Variants in VPS37A observed in about 807,000 individuals in gnomAD.
The protein encoded by VPS37A is vacuolar protein sorting-associated protein 37A.
A neutral mutation model predicts 49.8 loss-of-function variants in VPS37A; 30 were observed. The ratio of observed to expected loss-of-function variants is 0.60; its 90% CI spans 0.45 to 0.82. The LOEUF (loss-of-function observed/expected upper bound fraction) is 0.82, where lower values mean the gene tolerates loss of function less well. Ranked by LOEUF, VPS37A falls within the 40% of genes least tolerant of loss-of-function variation. The pLI, the probability that VPS37A is intolerant of heterozygous loss-of-function variation, is 0.00. For synonymous variants in VPS37A, 195 were observed against 160.6 expected (o/e 1.21, Z -1.62); for missense variants, 593 against 464.4 (o/e 1.28, Z -2.55).
downstream of VPS37A, chr8:17,299,708 C>T: frequency 1.0e-6 from 1 of 1,002,560 alleles, no homozygotes. Flanking sequence ...TCTAAGAAAT[C>T]AAGAACTGGG....
chr8:17,257,904 T>C (rs899049189), intron 1 of VPS37A, among the ~76,000 whole-genome samples: 1 of 152,228 alleles, frequency 6.6e-6, no homozygotes, highest in African/African-American at 2.4e-5. Flanking sequence ...TTGTAACTAT[T>C]GTAACTAGGA....
chr8:17,283,377 AACTCCCAG>A, intron 9 of VPS37A, among the ~76,000 whole-genome samples: 1 of 152,264 alleles, frequency 6.6e-6, no homozygotes, highest in South Asian at 2.1e-4. Flanking sequence ...CCTGGTCATG[AACTCCCAG>A]GCTCAAGCCA....
intron 11 of VPS37A, among the ~76,000 whole-genome samples, chr8:17,293,588 A>T (rs1586090220): frequency 6.6e-6 from 1 of 152,002 alleles, no homozygotes; most frequent in East Asian, 1.9e-4. Context: ...CCTCATCTTC[A>T]TGGATTTATC....
intron 1 of VPS37A, among the ~76,000 whole-genome samples, chr8:17,256,998 G>T (rs954328137): frequency 3.9e-5 from 6 of 152,090 alleles, no homozygotes; most frequent in African/African-American, 1.4e-4. Context: ...AAAATTGTTT[G>T]CCTAGAACAA....
chr8:17,267,290 T>C (rs1415570315), intron 2 of VPS37A, among the ~76,000 whole-genome samples: 2 of 152,132 alleles, frequency 1.3e-5, no homozygotes, highest in Non-Finnish European at 2.9e-5. Context: ...TTTTCAACAG[T>C]ATGACCAACA....
chr8:17,333,018 T>C, the VPS37A span, among the ~76,000 whole-genome samples: 22 of 151,910 alleles, frequency 1.4e-4, no homozygotes, highest in African/African-American at 4.8e-4. Flanking sequence ...ATAATAGAAA[T>C]AAAGTATATT....
intron 11 of VPS37A, among the ~76,000 whole-genome samples, chr8:17,292,043 C>G (rs1029633216): frequency 6.6e-6 from 1 of 151,980 alleles, no homozygotes; most frequent in Non-Finnish European, 1.5e-5. Context: ...TTTTCTGTCT[C>G]GTTGATCTAA....
Position 17,268,812 on chromosome 8 carries a change from T to C in VPS37A, c.316-44T>C, listed in dbSNP as rs757952485. 13 of 1,308,452 alleles carry C rather than the reference T, an allele frequency of 9.9e-6. No homozygotes were observed. In the African/African-American group the frequency reaches 1.5e-4, roughly 15 times the overall value. 81.1% of individuals were successfully genotyped at this position (1,308,452 alleles called of 1,614,324 possible). On this transcript the variant is annotated intron_variant, in intron 3 of 11. Coordinates refer to ENST00000324849, the MANE Select transcript of VPS37A (RefSeq NM_152415.3). ...ATTATCCTAATGAGACTTTATAATC[T>C]TTTTCTGGAAGTGATTTTAAGCGTC...
At chr8:17,279,397 A>C (rs1256009663) in intron 6 of VPS37A, among the ~76,000 whole-genome samples, 2 of 152,134 alleles carry the variant, frequency 1.3e-5, no homozygotes, top group Non-Finnish European at 2.9e-5. Context: ...CATACAATGA[A>C]ATGACTAGGA....
At chr8:17,325,835 A>G in the VPS37A span, among the ~76,000 whole-genome samples, 4 of 152,240 alleles carry the variant, frequency 2.6e-5, no homozygotes, top group Non-Finnish European at 5.9e-5. Context: ...ATAGGAAGGC[A>G]TGGGGCCTAC....
At position 17,247,067 on chromosome 8, in the gene VPS37A, C is replaced by A; in HGVS notation, c.-178C>A. 1.3e-6 allele frequency: 1 copy of A among 781,168 alleles called. No individual in the cohort carries two copies. Among genetic ancestry groups the A allele is most frequent in the Non-Finnish European group, 2.0e-6 (1 of 500,612 alleles). 48.4% of individuals were successfully genotyped at this position (781,168 alleles called of 1,614,324 possible). A position where few individuals can be genotyped will look rare whatever the true frequency, so the allele number is the denominator to read the frequency against. On this transcript the variant is annotated 5_prime_UTR_variant, in exon 1 of 12. Transcript: ENST00000324849. ...CTCTCCAGCCGCCCGCCGTTCGTAG[C>A]ATGTCCCCCAGAACTCGGGGAGCGC...
At chr8:17,332,500 C>T in the VPS37A span, among the ~76,000 whole-genome samples, 1 of 152,190 alleles carries the variant, frequency 6.6e-6, no homozygotes, top group East Asian at 1.9e-4. Flanking sequence ...ACAGATCACA[C>T]AGCAGACAGA....
downstream of VPS37A, chr8:17,299,880 G>C: frequency 6.2e-7 from 1 of 1,614,018 alleles, no homozygotes; most frequent in Non-Finnish European, 8.5e-7. Flanking sequence ...TGAGAAACAC[G>C]GCTTCATCAG....
At chr8:17,255,834 C>T (rs1377800241) in intron 1 of VPS37A, among the ~76,000 whole-genome samples, 1 of 152,154 alleles carries the variant, frequency 6.6e-6, no homozygotes, top group Non-Finnish European at 1.5e-5. Context: ...GTAATGACTT[C>T]CAGTTCCACT....
At chr8:17,293,498 G>A (rs1394134870) in intron 11 of VPS37A, among the ~76,000 whole-genome samples, 2 of 151,932 alleles carry the variant, frequency 1.3e-5, no homozygotes, top group East Asian at 3.9e-4. Context: ...TTGTTCCCTT[G>A]CTGGCGAGGA....
downstream of VPS37A, chr8:17,299,202 A>G (rs913845187): frequency 6.6e-6 from 1 of 152,226 alleles, no homozygotes; most frequent in African/African-American, 2.4e-5. Context: ...GTGAGATACA[A>G]GGTTTAGCAT....
At chr8:17,311,661 A>C in the VPS37A span, 3 of 1,613,712 alleles carry the variant, frequency 1.9e-6, no homozygotes, top group African/African-American at 4.0e-5. Flanking sequence ...ATCCGCAAAG[A>C]GTCACAAAGA....
intron 11 of VPS37A, among the ~76,000 whole-genome samples, chr8:17,289,877 C>G (rs1005763626): frequency 6.6e-6 from 1 of 152,018 alleles, no homozygotes; most frequent in Non-Finnish European, 1.5e-5. Flanking sequence ...CTCTTATTTC[C>G]TTGAGCAGTG....
chr8:17,285,735 C>A (rs1815528731), intron 10 of VPS37A, among the ~76,000 whole-genome samples: 1 of 152,144 alleles, frequency 6.6e-6, no homozygotes, highest in South Asian at 2.1e-4. Flanking sequence ...TTCTTCAATG[C>A]TGTGTAACTG....
Sources: allele counts gnomAD v4.1 joint callset (sites outside exome capture counted in the v4.1 genomes callset), GRCh38; gene constraint gnomAD v4.1.1; transcripts MANE v1.5; gene names NCBI Gene and HGNC (gene_info 2026-07-23, HGNC 2026-07-21).